The following NRCAM variants were observed in gnomAD, a reference collection of about 807,000 sequenced individuals.
The protein encoded by NRCAM is NgCAM-related cell adhesion molecule.
NRCAM carries 83 observed loss-of-function variants against 156.5 expected under a neutral mutation model. The ratio of observed to expected loss-of-function variants is 0.53; its 90% CI spans 0.44 to 0.64. NRCAM has a LOEUF of 0.64. NRCAM is among the 30% of genes least tolerant of loss of function. The pLI, the probability that NRCAM is intolerant of heterozygous loss-of-function variation, is 0.00. For missense variants in NRCAM, 1,417 were observed against 1,597.3 expected (o/e 0.89, Z 1.92); for synonymous variants, 538 against 563.9 (o/e 0.95, Z 0.65).
At position 108,405,330 on chromosome 7, in the gene NRCAM, A is replaced by G. The variant is rs117973821; in HGVS notation, c.-331-5737T>C. On this transcript the variant is annotated intron_variant, in intron 1 of 32. Coordinates refer to ENST00000379028, the MANE Select transcript of NRCAM (RefSeq NM_001037132.4). The stretch of plus-strand genomic sequence containing the variant: ...GCCTCAGTGCGGCTTCTTTGTTCTG[A>G]ACATGTTTTCGGGTATGAAAAAGGC... Among the ~76,000 whole-genome samples, 1,505 of 152,344 alleles carry G rather than the reference A, an allele frequency of 9.9e-3. 10 individuals carry two copies. Among genetic ancestry groups the G allele is most frequent in the Middle Eastern group, 0.027 (8 of 294 alleles).
chr7:108,231,325 T>A (rs13237289), intron 7 of NRCAM, among the ~76,000 whole-genome samples, 172 bp from the exon 8 acceptor site: 3 of 152,016 alleles, frequency 2.0e-5, no homozygotes, highest in African/African-American at 4.8e-5. Flanking sequence ...AGTAAAAATT[T>A]AAAAAATGAC....
intron 2 of NRCAM, among the ~76,000 whole-genome samples, chr7:108,396,035 C>T (rs1429160814): frequency 2.0e-5 from 3 of 152,172 alleles, no homozygotes; most frequent in Admixed American, 6.5e-5. Context: ...GCCAATGTCT[C>T]CCCACAGCAC....
chr7:108,193,914 A>C, intron 17 of NRCAM, 110 bp downstream of exon 17: 2 of 1,075,296 alleles, frequency 1.9e-6, no homozygotes, highest in Non-Finnish European at 2.6e-6. Context: ...TGGAGACAGC[A>C]GACTTCAGAA....
chr7:108,223,496 T>C (rs1222594541), intron 11 of NRCAM, among the ~76,000 whole-genome samples: 1 of 152,080 alleles, frequency 6.6e-6, no homozygotes, highest in Non-Finnish European at 1.5e-5. Context: ...TCAACAATCA[T>C]AAGGTGATTA....
At chr7:108,345,836 G>A (rs1594462469) in intron 2 of NRCAM, among the ~76,000 whole-genome samples, 1 of 152,208 alleles carries the variant, frequency 6.6e-6, no homozygotes, top group East Asian at 1.9e-4. Flanking sequence ...AATTAAGGCA[G>A]TCCAAAAGCT....
intron 2 of NRCAM, among the ~76,000 whole-genome samples, chr7:108,349,689 C>T (rs2099397626): frequency 6.6e-6 from 1 of 151,912 alleles, no homozygotes; most frequent in Non-Finnish European, 1.5e-5. Flanking sequence ...GGTTTGATAC[C>T]ACTTTTGAAT....
At chr7:108,162,981 T>G (rs140922881) in intron 30 of NRCAM, among the ~76,000 whole-genome samples, 267 of 152,100 alleles carry the variant, frequency 1.8e-3, no homozygotes, top group Non-Finnish European at 3.0e-3. Flanking sequence ...ATCCAAGCCA[T>G]AACCATGATC....
At chr7:108,207,325 A>G in intron 13 of NRCAM, 2 of 424,974 alleles carry the variant, frequency 4.7e-6, no homozygotes, top group Non-Finnish European at 8.2e-6. Flanking sequence ...ATCACATGCC[A>G]TTATGTTAAC....
intron 15 of NRCAM, 131 bp downstream of exon 15, chr7:108,195,630 T>C: frequency 1.7e-6 from 1 of 596,620 alleles, no homozygotes; most frequent in Non-Finnish European, 3.0e-6. Flanking sequence ...GAAAAAAAAA[T>C]ATATTAACAG....
At chr7:108,198,323 T>G (rs2076190911) in intron 13 of NRCAM, among the ~76,000 whole-genome samples, 1 of 152,202 alleles carries the variant, frequency 6.6e-6, no homozygotes, top group African/African-American at 2.4e-5. Flanking sequence ...CGATTGATTC[T>G]GTAACACTAA....
intron 23 of NRCAM, among the ~76,000 whole-genome samples, chr7:108,182,460 C>CA (rs1374130541): frequency 6.6e-6 from 1 of 152,146 alleles, no homozygotes; most frequent in African/African-American, 2.4e-5. Context: ...TTTGGGTATC[C>CA]AAGGCAGGGC....
chr7:108,420,470 T>C (rs1008262429), intron 1 of NRCAM, among the ~76,000 whole-genome samples: 1 of 152,190 alleles, frequency 6.6e-6, no homozygotes, highest in Non-Finnish European at 1.5e-5. Context: ...TAGATTCTTA[T>C]CCACATTTCT....
At chr7:108,275,994 C>CA (rs2097583783) in intron 3 of NRCAM, among the ~76,000 whole-genome samples, 1 of 152,096 alleles carries the variant, frequency 6.6e-6, no homozygotes, top group Non-Finnish European at 1.5e-5. Flanking sequence ...GTAATTTACC[C>CA]AGTAGTCATT....
chr7:108,218,195 G>A (rs970066998), intron 11 of NRCAM, among the ~76,000 whole-genome samples: 42 of 133,740 alleles, frequency 3.1e-4, no homozygotes, highest in African/African-American at 1.1e-3. Context: ...GGAGTTCCCC[G>A]ACCCCTTGCA....
chr7:108,148,703 TG>T lies in NRCAM; in HGVS notation c.*1206del, dbSNP rs1195761304. 1 of 152,650 alleles carries T rather than the reference TG, an allele frequency of 6.6e-6. No individual in the cohort carries two copies. Among genetic ancestry groups the T allele is most frequent in the African/African-American group, 2.4e-5 (1 of 41,468 alleles). The allele number at this position is 152,650 out of a possible 1,614,324, so 9.5% of individuals were successfully genotyped here. ...TTGAACACTTACATAGGTAAAGTCT[TG>T]GAGAATAATATATTACTGTTGGCAT... On this transcript the variant is annotated 3_prime_UTR_variant, in exon 33 of 33. Transcript: ENST00000379028.
intron 28 of NRCAM, among the ~76,000 whole-genome samples, chr7:108,169,676 T>A (rs1330882881): frequency 6.6e-6 from 1 of 152,190 alleles, no homozygotes; most frequent in East Asian, 1.9e-4. Context: ...GCAGAGTCCT[T>A]CTGTGGACCT....
chr7:108,168,546 G>T, intron 28 of NRCAM, 144 bp from the exon 29 acceptor site: 1 of 694,628 alleles, frequency 1.4e-6, no homozygotes, highest in Non-Finnish European at 2.1e-6. Context: ...CTCATGCTTT[G>T]CTTTCATTAC....
chr7:108,175,945 G>A (rs918461498), intron 27 of NRCAM, among the ~76,000 whole-genome samples: 3 of 151,992 alleles, frequency 2.0e-5, no homozygotes, highest in South Asian at 4.1e-4. Context: ...TAACTGTTTC[G>A]ATTTCCTTGC....
intron 6 of NRCAM, among the ~76,000 whole-genome samples, chr7:108,233,666 T>G (rs1486761561): frequency 6.6e-6 from 1 of 152,182 alleles, no homozygotes; most frequent in Non-Finnish European, 1.5e-5. Flanking sequence ...AGTTTTGACA[T>G]AGTACATATT....
Sources: gnomAD v4.1 joint callset for allele counts (sites outside exome capture counted in the v4.1 genomes callset) on GRCh38, gnomAD v4.1.1 for gene constraint, MANE v1.5 for transcripts, NCBI Gene and HGNC (gene_info 2026-07-23, HGNC 2026-07-21) for gene names.